Variants in RALYL observed in about 807,000 individuals in gnomAD.
RALYL encodes RALY RNA binding protein like.
RALYL carries 29 observed loss-of-function variants against 35.1 expected under a neutral mutation model. The observed-to-expected ratio is 0.83, with a 90% CI of 0.61 to 1.13. RALYL has a LOEUF of 1.13. RALYL is among the 50% of genes most tolerant of loss of function. The pLI, the probability that RALYL is intolerant of heterozygous loss-of-function variation, is 0.00. For missense variants in RALYL, 359 were observed against 360.4 expected, an observed-to-expected ratio of 1.00 and a Z score of 0.03; for synonymous variants, 120 against 127.6, an observed-to-expected ratio of 0.94 and a Z score of 0.40.
chr8:84,838,352 G>T (rs193275141), intron 4 of RALYL, among the ~76,000 whole-genome samples: 21 of 152,296 alleles, frequency 1.4e-4, no homozygotes, highest in Admixed American at 1.4e-3. Flanking sequence ...GAGGGTGGCA[G>T]GAACATTGGG....
At chr8:84,354,490 A>G (rs147863097) in intron 1 of RALYL, among the ~76,000 whole-genome samples, 1 of 149,936 alleles carries the variant, frequency 6.7e-6, no homozygotes, top group African/African-American at 2.5e-5. Context: ...CTTCAAGACA[A>G]CTCTCCACAG....
At chr8:84,663,988 T>C (rs1345471767) in intron 2 of RALYL, among the ~76,000 whole-genome samples, 1 of 152,206 alleles carries the variant, frequency 6.6e-6, no homozygotes, top group Admixed American at 6.5e-5. Context: ...GAATTGATTT[T>C]CGTGTATGGT....
At chr8:84,796,367 C>T (rs1300698905) in intron 3 of RALYL, among the ~76,000 whole-genome samples, 1 of 152,168 alleles carries the variant, frequency 6.6e-6, no homozygotes, top group South Asian at 2.1e-4. Context: ...TAAGTACCAC[C>T]GACAGATTCT....
intron 1 of RALYL, among the ~76,000 whole-genome samples, chr8:84,273,547 G>A (rs572329745): frequency 1.1e-4 from 16 of 152,358 alleles, no homozygotes; most frequent in African/African-American, 9.6e-5. Flanking sequence ...GATTACACAA[G>A]GACATGATAC....
At position 84,407,465 on chromosome 8, in the gene RALYL, T is replaced by C. The variant is rs142114518; in HGVS notation, c.-23-121834T>C. On this transcript the variant is annotated intron_variant, in intron 1 of 8. Coordinates refer to ENST00000521268, the MANE Select transcript of RALYL (RefSeq NM_173848.7). ...TGTGTCTATCATTCTTATTCAATTA[T>C]CAACAATTATCAGTATCTACAGTGT... 4.1e-3 allele frequency among the ~76,000 whole-genome samples: 627 copies of C among 152,296 alleles called. 6 individuals are homozygous for C. The highest frequency in any genetic ancestry group is 0.014 in the African/African-American group (591 of 41,554).
At chr8:84,865,558 A>G (rs1352260458) in intron 6 of RALYL, among the ~76,000 whole-genome samples, 1 of 152,206 alleles carries the variant, frequency 6.6e-6, no homozygotes, top group Non-Finnish European at 1.5e-5. Flanking sequence ...TTTTAAAATC[A>G]AATTGAACTA....
intron 2 of RALYL, among the ~76,000 whole-genome samples, chr8:84,612,627 T>C (rs1311236240): frequency 6.6e-6 from 1 of 151,700 alleles, no homozygotes; most frequent in African/African-American, 2.4e-5. Context: ...ACGATTCTTT[T>C]ATGTGAGATA....
intron 2 of RALYL, among the ~76,000 whole-genome samples, chr8:84,614,339 A>G (rs1003985467): frequency 6.6e-6 from 1 of 151,660 alleles, no homozygotes; most frequent in Non-Finnish European, 1.5e-5. Context: ...TATTATAGGA[A>G]TGAAATCACA....
chr8:84,597,864 A>G (rs745366366), intron 2 of RALYL, among the ~76,000 whole-genome samples: 5 of 152,158 alleles, frequency 3.3e-5, no homozygotes, highest in Non-Finnish European at 7.4e-5. Context: ...CATAGAATCC[A>G]TGAAGTTTAA....
chr8:84,584,800 A>G (rs1242546747), intron 2 of RALYL, among the ~76,000 whole-genome samples: 2 of 152,208 alleles, frequency 1.3e-5, no homozygotes, highest in South Asian at 2.1e-4. Flanking sequence ...CCCTAAGTTG[A>G]GAAAAAAAGA....
intron 5 of RALYL, among the ~76,000 whole-genome samples, chr8:84,861,582 T>C (rs1270999474): frequency 1.3e-5 from 2 of 152,292 alleles, no homozygotes; most frequent in African/African-American, 4.8e-5. Flanking sequence ...TAGTCTCAAT[T>C]TGCAAATCTA....
intron 1 of RALYL, among the ~76,000 whole-genome samples, chr8:84,405,043 A>G (rs1006908783): frequency 6.6e-6 from 1 of 152,172 alleles, no homozygotes; most frequent in African/African-American, 2.4e-5. Flanking sequence ...GCAAATTAGA[A>G]CTCAGGATTA....
intron 1 of RALYL, among the ~76,000 whole-genome samples, chr8:84,476,969 G>A (rs2053497309): frequency 6.6e-6 from 1 of 152,128 alleles, no homozygotes; most frequent in Admixed American, 6.6e-5. Flanking sequence ...TTTGGAAGAC[G>A]TGGCAGAGAA....
chr8:84,448,718 T>C (rs531206336), intron 1 of RALYL, among the ~76,000 whole-genome samples: 1 of 152,162 alleles, frequency 6.6e-6, no homozygotes, highest in Non-Finnish European at 1.5e-5. Flanking sequence ...TTTTGACTCA[T>C]AGAGATTCAT....
chr8:84,693,927 A>T (rs1589051414), intron 2 of RALYL, among the ~76,000 whole-genome samples: 1 of 151,490 alleles, frequency 6.6e-6, no homozygotes, highest in African/African-American at 2.4e-5. Context: ...TTTCATGATT[A>T]AAAAAAAGCT....
chr8:84,532,072 G>A (rs2059312816), intron 2 of RALYL, among the ~76,000 whole-genome samples: 1 of 151,966 alleles, frequency 6.6e-6, no homozygotes, highest in East Asian at 1.9e-4. Context: ...CTTTGTGCCT[G>A]AAACCAAGTC....
intron 1 of RALYL, among the ~76,000 whole-genome samples, chr8:84,508,459 A>T (rs2057352659): frequency 6.6e-6 from 1 of 152,158 alleles, no homozygotes; most frequent in African/African-American, 2.4e-5. Context: ...TACAAGTTCC[A>T]TCTACTTCAC....
intron 1 of RALYL, among the ~76,000 whole-genome samples, chr8:84,525,953 CTTT>C (rs35794329): frequency 1.1e-3 from 119 of 104,842 alleles, no homozygotes; most frequent in African/African-American, 4.1e-3. Flanking sequence ...TTTCTTTTTT[CTTT>C]TTTTTTTTTT....
chr8:84,875,003 T>A (rs28427260), intron 7 of RALYL, among the ~76,000 whole-genome samples: 2,247 of 152,248 alleles, frequency 0.015, 40 homozygotes, highest in African/African-American at 0.051. Flanking sequence ...AGATGAGGAA[T>A]GATAGACTAA....
Sources: gnomAD v4.1 joint callset for allele counts (sites outside exome capture counted in the v4.1 genomes callset) on GRCh38, gnomAD v4.1.1 for gene constraint, MANE v1.5 for transcripts, NCBI Gene and HGNC (gene_info 2026-07-23, HGNC 2026-07-21) for gene names.